The following PARD3B variants were observed in gnomAD, a reference collection of about 807,000 sequenced individuals.
The protein encoded by PARD3B is par-3 family cell polarity regulator beta.
A neutral mutation model predicts 130.2 loss-of-function variants in PARD3B; 103 were observed. The observed-to-expected ratio is 0.79, with a 90% CI of 0.67 to 0.93. The LOEUF (loss-of-function observed/expected upper bound fraction) is 0.93. Ranked by LOEUF, PARD3B falls within the 40% of genes least tolerant of loss-of-function variation. The probability of loss-of-function intolerance (pLI) is 0.00; values close to 1 mark genes in which losing one functional copy is unlikely to be tolerated. For missense variants in PARD3B, 1,609 were observed against 1,499.2 expected, an observed-to-expected ratio of 1.07 and a Z score of -1.21; for synonymous variants, 583 against 553.2, an observed-to-expected ratio of 1.05 and a Z score of -0.76.
intron 18 of PARD3B, among the ~76,000 whole-genome samples, chr2:205,344,780 T>C (rs927082908): frequency 1.3e-5 from 2 of 152,180 alleles, no homozygotes; most frequent in Non-Finnish European, 2.9e-5. Context: ...CTTAAGCTAA[T>C]TGGACTATAT....
intron 15 of PARD3B, among the ~76,000 whole-genome samples, chr2:205,201,310 A>C (rs2036975028): frequency 7.7e-6 from 1 of 130,012 alleles, no homozygotes; most frequent in Admixed American, 9.0e-5. Flanking sequence ...CATCACATTT[A>C]CAAGTTTTGA....
At chr2:204,705,409 A>G (rs1341519605) in intron 2 of PARD3B, among the ~76,000 whole-genome samples, 1 of 152,166 alleles carries the variant, frequency 6.6e-6, no homozygotes, top group Non-Finnish European at 1.5e-5. Context: ...AGGCAAAGGC[A>G]TTTTAAATCA....
In PARD3B at chr2:205,309,081, C is replaced by A. The variant is rs2042286314; in HGVS notation, c.2630+7380C>A. Among the ~76,000 whole-genome samples, 1 of 96,222 alleles carries A rather than the reference C, an allele frequency of 1.0e-5. No homozygotes were observed. Among genetic ancestry groups the A allele is most frequent in the Non-Finnish European group, 2.8e-5 (1 of 35,392 alleles). 63.1% of individuals were successfully genotyped at this position (96,222 alleles called of 152,430 possible). A position where few individuals can be genotyped will look rare whatever the true frequency, so the allele number is the denominator to read the frequency against. On this transcript the variant is annotated intron_variant, in intron 18 of 22. Transcript: ENST00000406610. This position sits in a 1 kb window ranked among gnomAD's most constrained non-coding sequence, Gnocchi z 4.7. ...ATGCCTGCTTTTGTTTTCTTTTTTG[C>A]AACTTATAAATATGGGAAGGTTATT...
chr2:205,260,994 A>T (rs2040283669), intron 16 of PARD3B, among the ~76,000 whole-genome samples: 1 of 151,970 alleles, frequency 6.6e-6, no homozygotes, highest in Non-Finnish European at 1.5e-5. Flanking sequence ...CCTAAAAGGC[A>T]ATCTCAAATT....
At chr2:205,076,041 T>G (rs1701039578) in intron 4 of PARD3B, among the ~76,000 whole-genome samples, 1 of 152,196 alleles carries the variant, frequency 6.6e-6, no homozygotes, top group Non-Finnish European at 1.5e-5. Context: ...TCGTGCAGTA[T>G]CCTGTGTCTT....
chr2:204,876,844 C>T (rs187911423), intron 2 of PARD3B, among the ~76,000 whole-genome samples: 4 of 152,280 alleles, frequency 2.6e-5, no homozygotes, highest in Non-Finnish European at 4.4e-5. Context: ...TCAAAGCGCT[C>T]CACTGTAGCA....
intron 3 of PARD3B, among the ~76,000 whole-genome samples, chr2:205,007,530 G>T (rs1695368960): frequency 6.6e-6 from 1 of 152,094 alleles, no homozygotes; most frequent in South Asian, 2.1e-4. Context: ...CTGTTCCACT[G>T]GTCTATGTGC....
At chr2:204,674,685 C>A (rs1250533463) in intron 1 of PARD3B, among the ~76,000 whole-genome samples, 2 of 152,150 alleles carry the variant, frequency 1.3e-5, no homozygotes, top group Non-Finnish European at 2.9e-5. Context: ...GTCTTAATCT[C>A]TTCTTTGATT....
chr2:205,348,995 A>T (rs530171942), intron 18 of PARD3B, among the ~76,000 whole-genome samples: 14 of 152,310 alleles, frequency 9.2e-5, no homozygotes, highest in Admixed American at 3.9e-4. Flanking sequence ...GTGTAATCTT[A>T]GCATTGATAT....
intron 4 of PARD3B, among the ~76,000 whole-genome samples, chr2:205,073,479 A>T (rs912908144): frequency 2.0e-5 from 3 of 152,182 alleles, no homozygotes; most frequent in Admixed American, 6.5e-5. Context: ...TTTTTCGGGA[A>T]AAAAAGTCCA....
chr2:204,715,135 C>G (rs939438316), intron 2 of PARD3B, among the ~76,000 whole-genome samples: 6 of 152,076 alleles, frequency 3.9e-5, no homozygotes, highest in African/African-American at 1.2e-4. Flanking sequence ...GGGGAGTGTT[C>G]TTTAGAAATC....
chr2:204,766,498 A>T (rs2041155183), intron 2 of PARD3B, among the ~76,000 whole-genome samples: 1 of 152,034 alleles, frequency 6.6e-6, no homozygotes, highest in South Asian at 2.1e-4. Flanking sequence ...TTTTTTCTAA[A>T]TTGCACTGTT....
chr2:205,130,980 C>T (rs1052084521), intron 10 of PARD3B, among the ~76,000 whole-genome samples: 3 of 152,102 alleles, frequency 2.0e-5, no homozygotes, highest in Non-Finnish European at 4.4e-5. Context: ...CCTTAGCATG[C>T]GAGATGTGGT....
In PARD3B at chr2:205,165,660, A is replaced by G. The variant is rs376817662; in HGVS notation, c.1621-6551A>G. Among the ~76,000 whole-genome samples, 967 of 151,574 alleles carry G rather than the reference A, an allele frequency of 6.4e-3. 16 individuals are homozygous for G. Among genetic ancestry groups the G allele is most frequent in the African/African-American group, 0.022 (920 of 41,318 alleles). On this transcript the variant is annotated intron_variant, in intron 11 of 22. Coordinates refer to ENST00000406610, the MANE Select transcript of PARD3B (RefSeq NM_001302769.2). Reference sequence around the variant, plus strand: ...TTGAACCAGGGAGGCGGAGGTTGCAATGAGCCGAGATCATACCACTGCACT... The same window carrying G: ...TTGAACCAGGGAGGCGGAGGTTGCAGTGAGCCGAGATCATACCACTGCACT...
chr2:205,288,844 G>T lies in PARD3B; in HGVS notation c.2186-11686G>T, dbSNP rs898307154. 6.6e-6 allele frequency among the ~76,000 whole-genome samples: 1 copy of T among 152,168 alleles called. No individual in the cohort carries two copies. The highest frequency in any genetic ancestry group is 2.4e-5 in the African/African-American group (1 of 41,446). On this transcript the variant is annotated intron_variant, in intron 16 of 22. Transcript: ENST00000406610. The surrounding 1 kb of genome is among the most constrained non-coding windows in gnomAD (Gnocchi z 4.0). Reference sequence around the variant, plus strand: ...ATAAAGTCTTACTCAGTGACTTAAAGTCACACTGTGCTTTCTTTTCTCTGA... The same window carrying T: ...ATAAAGTCTTACTCAGTGACTTAAATTCACACTGTGCTTTCTTTTCTCTGA...
intron 4 of PARD3B, among the ~76,000 whole-genome samples, chr2:205,052,811 A>G (rs998173458): frequency 2.0e-5 from 3 of 152,100 alleles, no homozygotes; most frequent in African/African-American, 7.2e-5. Flanking sequence ...CAAGATTTTA[A>G]GAGGAATAGA....
intron 12 of PARD3B, among the ~76,000 whole-genome samples, chr2:205,174,485 A>G (rs2035355005): frequency 1.3e-5 from 2 of 152,194 alleles, no homozygotes. Flanking sequence ...TGTACAGTTT[A>G]TCTTTATTAA....
intron 2 of PARD3B, among the ~76,000 whole-genome samples, chr2:204,798,276 G>A (rs952456865): frequency 2.0e-5 from 3 of 152,102 alleles, no homozygotes; most frequent in Non-Finnish European, 4.4e-5. Flanking sequence ...ACTTGGCGTT[G>A]GAACTCAGTG....
At chr2:205,398,581 GA>G (rs1422179834) in intron 18 of PARD3B, among the ~76,000 whole-genome samples, 1 of 152,148 alleles carries the variant, frequency 6.6e-6, no homozygotes, top group East Asian at 1.9e-4. Context: ...GAAAATTTAG[GA>G]AAGAAGACTT....
Sources: allele counts gnomAD v4.1 joint callset (sites outside exome capture counted in the v4.1 genomes callset), GRCh38; gene constraint gnomAD v4.1.1; non-coding constraint Gnocchi (gnomAD v3.1); transcripts MANE v1.5; gene names NCBI Gene and HGNC (gene_info 2026-07-23, HGNC 2026-07-21).